FCF1: variants seen among roughly 807,000 people sequenced by gnomAD.
The protein encoded by FCF1 is FCF1 rRNA-processing protein.
Under a neutral mutation model 32.5 loss-of-function variants are expected in FCF1, and 17 were observed. The ratio of observed to expected loss-of-function variants is 0.52; its 90% CI spans 0.36 to 0.78. The LOEUF (loss-of-function observed/expected upper bound fraction) is 0.78. Ranked by LOEUF, FCF1 falls within the 30% of genes least tolerant of loss-of-function variation. FCF1 has a pLI of 0.00. For synonymous variants in FCF1, 84 were observed against 78.4 expected (o/e 1.07, Z -0.38); for missense variants, 201 against 241.1 (o/e 0.83, Z 1.10).
chr14:74,733,228 T>C (rs1299885489), intron 6 of FCF1, among the ~76,000 whole-genome samples: 1 of 152,228 alleles, frequency 6.6e-6, no homozygotes, highest in Non-Finnish European at 1.5e-5. Context: ...AAGTGCTTCT[T>C]AGTTAAATCT....
rs1458956544 is a variant in FCF1 at position 74,716,109 on chromosome 14, A to G, written c.292+10A>G. 5.6e-6 allele frequency: 9 copies of G among 1,611,906 alleles called. No individual in the cohort carries two copies. Among genetic ancestry groups the G allele is most frequent in the Non-Finnish European group, 7.6e-6 (9 of 1,178,146 alleles). ...TGTCTGTATGCCAAGTGTGAGTATC[A>G]TACTTTTATGTTTCCGTGACATTTG... On this transcript the variant is annotated intron_variant, in intron 4 of 7. Coordinates refer to ENST00000341162, the MANE Select transcript of FCF1 (RefSeq NM_015962.5).
At position 74,735,276 on chromosome 14, in the gene FCF1, T is replaced by G. The variant is rs1165109979; in HGVS notation, c.*346T>G. On this transcript the variant is annotated 3_prime_UTR_variant, in exon 8 of 8. Transcript: ENST00000341162. ...GGAAAATCATGTTTTACGACTTGAG[T>G]TTATCTGTCTAGTTACCTTGCAGCT... 5.2e-6 allele frequency: 1 copy of G among 193,828 alleles called. No homozygotes were observed. The highest frequency in any genetic ancestry group is 6.0e-5 in the Admixed American group (1 of 16,626). 12.0% of individuals were successfully genotyped at this position (193,828 alleles called of 1,614,324 possible). A position where few individuals can be genotyped will look rare whatever the true frequency, so the allele number is the denominator to read the frequency against.
intron 4 of FCF1, among the ~76,000 whole-genome samples, chr14:74,723,042 T>C (rs1181237901): frequency 6.6e-6 from 1 of 152,012 alleles, no homozygotes; most frequent in Non-Finnish European, 1.5e-5. Flanking sequence ...TTCAGCTTAG[T>C]TTTTTTTCCC....
At chr14:74,720,886 T>G (rs1461395328) in intron 4 of FCF1, among the ~76,000 whole-genome samples, 6 of 150,988 alleles carry the variant, frequency 4.0e-5, no homozygotes, top group Middle Eastern at 3.4e-3. Flanking sequence ...TTTGTTTTTT[T>G]TTTTTTTTTT....
chr14:74,727,548 T>G (rs1048629120), intron 5 of FCF1, among the ~76,000 whole-genome samples: 1 of 151,498 alleles, frequency 6.6e-6, no homozygotes, highest in African/African-American at 2.4e-5. Context: ...TTTCTCCCAT[T>G]TTGTAGGTTG....
intron 3 of FCF1, chr14:74,715,739 T>A: frequency 9.3e-7 from 1 of 1,076,160 alleles, no homozygotes; most frequent in South Asian, 1.4e-5. Context: ...GATAATTGCT[T>A]TTTTAAAGTT....
At chr14:74,732,282 C>G (rs17102231) in intron 5 of FCF1, among the ~76,000 whole-genome samples, 4,435 of 152,152 alleles carry the variant, frequency 0.029, 140 homozygotes, top group African/African-American at 0.079. Context: ...ATGGGTTTAA[C>G]TTTTACCTTT....
chr14:74,723,419 T>C, intron 5 of FCF1, 75 bp downstream of exon 5: 2 of 1,125,924 alleles, frequency 1.8e-6, no homozygotes, highest in South Asian at 2.8e-5. Context: ...TAAAGATTTC[T>C]TGGCCAGTTA....
chr14:74,718,909 T>C (rs1000231869), intron 4 of FCF1, among the ~76,000 whole-genome samples: 1 of 151,790 alleles, frequency 6.6e-6, no homozygotes, highest in African/African-American at 2.4e-5. Context: ...CCTGTAATCC[T>C]AGTGCTTTTC....
chr14:74,714,955 A>G lies in FCF1; in HGVS notation c.143+12A>G, dbSNP rs770872126. 9 of 1,581,316 alleles carry G rather than the reference A, an allele frequency of 5.7e-6. No individual in the cohort carries two copies. In the African/African-American group the frequency reaches 1.2e-4, roughly 22 times the overall value. ...AAGGAAAGAGAAGTGTGAGTAATCAAACGTTTGAAGTTTTCCTTTAAAACC... is the reference window on the plus strand; with the variant it reads ...AAGGAAAGAGAAGTGTGAGTAATCAGACGTTTGAAGTTTTCCTTTAAAACC... On this transcript the variant is annotated intron_variant, in intron 3 of 7. Coordinates refer to ENST00000341162, the MANE Select transcript of FCF1 (RefSeq NM_015962.5).
Position 74,734,190 on chromosome 14 carries a change from G to A in FCF1, c.548+20G>A, listed in dbSNP as rs775418392. On this transcript the variant is annotated intron_variant, in intron 7 of 7. Transcript: ENST00000341162. Reference sequence around the variant, plus strand: ...CCATAGGTGAGAAATTTCCCTTGGAGAAGGGAATAGAAATATATAATTGAT... The same window carrying A: ...CCATAGGTGAGAAATTTCCCTTGGAAAAGGGAATAGAAATATATAATTGAT... 17 of 1,360,448 alleles carry A rather than the reference G, an allele frequency of 1.2e-5. No individual in the cohort carries two copies. The African/African-American group carries it at 2.4e-4, about 19-fold the overall frequency. 84.3% of individuals were successfully genotyped at this position (1,360,448 alleles called of 1,614,324 possible).
chr14:74,728,845 A>G (rs2090602219), intron 5 of FCF1, among the ~76,000 whole-genome samples: 1 of 152,214 alleles, frequency 6.6e-6, no homozygotes, highest in Non-Finnish European at 1.5e-5. Flanking sequence ...CCTTTTCTGC[A>G]TCTATTGAGA....
rs2090656290 is a variant in FCF1 at position 74,732,804 on chromosome 14, CAG to C, written c.444_445del (p.Arg148SerfsTer5). On this transcript the variant is annotated frameshift_variant, in exon 6 of 8. Transcript: ENST00000341162. LOFTEE classifies it high-confidence loss of function. ...AACCTATGCAGATGACTGCTTAGTACAGAGAGTAACTCAGGTATTATCAGTTC... is the reference window on the plus strand; with the variant it reads ...AACCTATGCAGATGACTGCTTAGTACAGAGTAACTCAGGTATTATCAGTTC... Reference protein sequence around the residue: ...KGTYADDCLVQRVTQHKCYIV... With the variant: ...KGTYADDCLVXRVTQHKCYIV... 1.3e-6 allele frequency: 2 copies of C among 1,599,232 alleles called. No individual in the cohort carries two copies. Among genetic ancestry groups the C allele is most frequent in the Non-Finnish European group, 1.7e-6 (2 of 1,167,700 alleles).
At chr14:74,724,520 A>C (rs1594786796) in intron 5 of FCF1, among the ~76,000 whole-genome samples, 1 of 152,198 alleles carries the variant, frequency 6.6e-6, no homozygotes, top group Non-Finnish European at 1.5e-5. Context: ...TCCTGGGCTC[A>C]AGTGATCCTC....
intron 4 of FCF1, among the ~76,000 whole-genome samples, chr14:74,717,956 C>T (rs1477973360): frequency 1.3e-5 from 2 of 152,148 alleles, no homozygotes; most frequent in Non-Finnish European, 2.9e-5. Flanking sequence ...CTCACTGCGA[C>T]CTCCGCCTCC....
At chr14:74,715,765 CA>C (rs1166190517) in intron 3 of FCF1, 185 bp from the exon 4 acceptor site, 77 of 1,350,488 alleles carry the variant, frequency 5.7e-5, no homozygotes, top group Non-Finnish European at 7.4e-5. Flanking sequence ...CAAAGGTTGC[CA>C]GGGGAGCTGA....
chr14:74,716,725 T>G (rs183948604), intron 4 of FCF1, among the ~76,000 whole-genome samples: 1 of 152,340 alleles, frequency 6.6e-6, no homozygotes, highest in Admixed American at 6.5e-5. Flanking sequence ...CTATGAAGCC[T>G]ATCATAGTAA....
chr14:74,734,081 G>A lies in FCF1; in HGVS notation c.459G>A (p.Lys153=), dbSNP rs2140041547. 1 of 1,611,350 alleles carries A rather than the reference G, an allele frequency of 6.2e-7. No individual in the cohort carries two copies. The highest frequency in any genetic ancestry group is 1.1e-5 in the South Asian group (1 of 91,014). Residue 153 remains lysine (K), a synonymous_variant, in exon 7 of 8, where the codon AAG becomes AAA. Coordinates refer to ENST00000341162, the MANE Select transcript of FCF1 (RefSeq NM_015962.5). ...TCACTCCATGTCTCTTACAGCATAA[G>A]TGTTACATTGTGGCCACAGTTGACC... The part of the protein sequence containing the change: ...DCLVQRVTQH[K]CYIVATVDRD...
intron 4 of FCF1, among the ~76,000 whole-genome samples, chr14:74,723,000 G>A (rs1336753021): frequency 1.3e-5 from 2 of 151,904 alleles, no homozygotes; most frequent in African/African-American, 4.8e-5. Flanking sequence ...TTCCCATCAG[G>A]AACTTACATT....
Sources: gnomAD v4.1 joint callset for allele counts (sites outside exome capture counted in the v4.1 genomes callset) on GRCh38, gnomAD v4.1.1 for gene constraint, MANE v1.5 for transcripts, NCBI Gene and HGNC (gene_info 2026-07-23, HGNC 2026-07-21) for gene names.